Variants in SORT1 observed in about 807,000 individuals in gnomAD.
SORT1 encodes the protein sortilin 1.
Under a neutral mutation model 101.7 loss-of-function variants are expected in SORT1, and 39 were observed. The ratio of observed to expected loss-of-function variants is 0.38; its 90% confidence interval spans 0.30 to 0.50. The LOEUF is 0.50. Among genes scored for constraint, SORT1 ranks in the 20% least tolerant of loss-of-function variants. The pLI, the probability that SORT1 is intolerant of heterozygous loss-of-function variation, is 0.90. For missense variants in SORT1, 878 were observed against 1,040.4 expected (o/e 0.84, Z 2.15); for synonymous variants, 396 against 393.7 (o/e 1.01, Z -0.07).
At chr1:109,321,764 T>C (rs1647644769) in intron 15 of SORT1, among the ~76,000 whole-genome samples, 1 of 152,352 alleles carries the variant, frequency 6.6e-6, no homozygotes, top group East Asian at 1.9e-4. Context: ...CAGTATCTTT[T>C]GCAGGTAACA....
chr1:109,333,052 C>G (rs1648566022), intron 11 of SORT1, among the ~76,000 whole-genome samples: 1 of 152,152 alleles, frequency 6.6e-6, no homozygotes. Flanking sequence ...CTCAGTCTCC[C>G]AAGTAGCTGG....
chr1:109,383,819 T>A (rs1476051456), intron 1 of SORT1, among the ~76,000 whole-genome samples: 1 of 152,154 alleles, frequency 6.6e-6, no homozygotes, highest in Non-Finnish European at 1.5e-5. Flanking sequence ...AATGAAAAAA[T>A]TAACTACAAA....
chr1:109,384,243 T>C (rs1472742323), intron 1 of SORT1, among the ~76,000 whole-genome samples: 3 of 152,200 alleles, frequency 2.0e-5, no homozygotes, highest in Non-Finnish European at 4.4e-5. Flanking sequence ...GATGTCACTA[T>C]CATGCATTAA....
chr1:109,324,766 C>T (rs1647876158), intron 14 of SORT1, 133 bp downstream of exon 14: 1 of 618,172 alleles, frequency 1.6e-6, no homozygotes, highest in South Asian at 2.4e-5. Context: ...ATCACCCACA[C>T]AGAACATCTG....
chr1:109,371,569 A>AG (rs779008616), intron 1 of SORT1, among the ~76,000 whole-genome samples: 6 of 152,220 alleles, frequency 3.9e-5, no homozygotes, highest in Non-Finnish European at 8.8e-5. Context: ...TCTTGAGCCA[A>AG]TCAGGACTGC....
rs765733958 is a variant in SORT1 at position 109,314,366 on chromosome 1, G to A, written c.2376C>T (p.Tyr792=). The change falls in exon 19 of 20, where the codon TAC becomes TAT. Residue 792 remains tyrosine (Y), a synonymous_variant. Transcript: ENST00000256637. The part of the protein sequence containing the change: ...VCGGRFLVHR[Y]SVLQQHAEAN... Reference sequence around the variant, plus strand: ...CCTCTGCATGCTGCTGCAGCACAGAGTATCGATGCACCAGGAACCTGTGAA... The same window carrying A: ...CCTCTGCATGCTGCTGCAGCACAGAATATCGATGCACCAGGAACCTGTGAA... 3.2e-5 allele frequency: 51 copies of A among 1,613,864 alleles called. No individual in the cohort carries two copies. The highest frequency in any genetic ancestry group is 4.0e-5 in the Non-Finnish European group (47 of 1,180,002).
chr1:109,329,305 G>A (rs1473597526), intron 11 of SORT1, among the ~76,000 whole-genome samples: 2 of 152,138 alleles, frequency 1.3e-5, no homozygotes, highest in Non-Finnish European at 2.9e-5. Flanking sequence ...CCAGGCTGGA[G>A]TGCGGTGGTG....
intron 1 of SORT1, among the ~76,000 whole-genome samples, chr1:109,376,911 C>T (rs1466053962): frequency 1.3e-5 from 2 of 152,150 alleles, no homozygotes; most frequent in Non-Finnish European, 2.9e-5. Flanking sequence ...AGGAAAAGTT[C>T]TGTGTTTCTG....
intron 3 of SORT1, among the ~76,000 whole-genome samples, chr1:109,365,532 T>C (rs940660584): frequency 7.2e-5 from 11 of 152,348 alleles, no homozygotes; most frequent in African/African-American, 2.6e-4. Context: ...ACTGTTCTGA[T>C]TGAATAAACA....
rs1226170717 is a variant in SORT1 at position 109,367,418 on chromosome 1, G to A, written c.430C>T (p.Leu144=). 1 of 1,592,004 alleles carries A rather than the reference G, an allele frequency of 6.3e-7. No individual in the cohort carries two copies. The highest frequency in any genetic ancestry group is 8.6e-7 in the Non-Finnish European group (1 of 1,160,202). Residue 144 remains leucine, a synonymous_variant, in exon 3 of 20, where the codon CTA becomes TTA. Coordinates refer to ENST00000256637, the MANE Select transcript of SORT1 (RefSeq NM_002959.7). ...TGTTATTGATCTCACCTTCGATATA[G>A]CTTGGACTGTCCAAAAGTCATAATT... is the stretch of plus-strand genomic sequence containing the variant. ...LVIMTFGQSK[L]YRSEDYGKNF...
At position 109,397,764 on chromosome 1, in the gene SORT1, G is replaced by A; in HGVS notation, c.129C>T (p.Pro43=). ...CAGACCAGCGCGGCAGCGGCGCAGC[G>A]GGCGGCGGCGGCGCGTCCAGCCGGT... ...SQDRLDAPPP[P]AAPLPRWSGP... The change falls in exon 1 of 20, where the codon CCC becomes CCT. Residue 43 remains proline (P), a synonymous_variant. Transcript: ENST00000256637. 4 of 1,207,022 alleles carry A rather than the reference G, an allele frequency of 3.3e-6. No homozygotes were observed. The highest frequency in any genetic ancestry group is 2.6e-5 in the South Asian group (1 of 38,950). 74.8% of individuals were successfully genotyped at this position (1,207,022 alleles called of 1,614,324 possible).
chr1:109,385,183 G>A (rs1353460618), intron 1 of SORT1, among the ~76,000 whole-genome samples: 1 of 152,138 alleles, frequency 6.6e-6, no homozygotes, highest in Non-Finnish European at 1.5e-5. Flanking sequence ...ATGAGTTGGT[G>A]CCCTCATGAT....
intron 1 of SORT1, among the ~76,000 whole-genome samples, chr1:109,378,553 A>G (rs2101641674): frequency 6.6e-6 from 1 of 151,618 alleles, no homozygotes; most frequent in Admixed American, 6.6e-5. Context: ...AATAACTGAA[A>G]GGCGGAATAA....
At chr1:109,382,860 G>A (rs1179666819) in intron 1 of SORT1, among the ~76,000 whole-genome samples, 1 of 152,110 alleles carries the variant, frequency 6.6e-6, no homozygotes, top group East Asian at 1.9e-4. Context: ...ACTCATCCAA[G>A]CATTTATTGC....
At chr1:109,378,548 C>T (rs1205098858) in intron 1 of SORT1, among the ~76,000 whole-genome samples, 1 of 150,968 alleles carries the variant, frequency 6.6e-6, no homozygotes, top group Non-Finnish European at 1.5e-5. Context: ...CCAGAAATAA[C>T]TGAAAGGCGG....
intron 10 of SORT1, among the ~76,000 whole-genome samples, chr1:109,338,824 C>T (rs191588207): frequency 5.1e-4 from 78 of 152,134 alleles, no homozygotes; most frequent in Admixed American, 3.3e-3. Flanking sequence ...CCTCCTCCCC[C>T]GGCATCACCC....
rs193134594 is a variant in SORT1, at chr1:109,358,754, T to G, written c.441-3285A>C. ...CTGAAATCCCTGCTACTCAGGAGGC[T>G]GAGGCAGAGAATTGCTTGACCCCGG... On this transcript the variant is annotated intron_variant, in intron 3 of 19. Transcript: ENST00000256637. Among the ~76,000 whole-genome samples, 183 of 151,584 alleles carry G rather than the reference T, an allele frequency of 1.2e-3. 1 individual carries two copies. The highest frequency in any genetic ancestry group is 4.1e-3 in the African/African-American group (171 of 41,252).
rs932190618 is a variant in SORT1 at position 109,334,822 on chromosome 1, T to G, written c.1371+1418A>C. ...TTTGTCAATTATGCCTCCATAAAGC[T>G]GGGGAAAAAAGAAATGTATTGTCAG... On this transcript the variant is annotated intron_variant, in intron 11 of 19. Transcript: ENST00000256637. Among the ~76,000 whole-genome samples the G allele has an allele frequency of 3.3e-5, 5 of 152,016 alleles. No individual in the cohort carries two copies. The East Asian group carries it at 9.6e-4, about 29-fold the overall frequency.
chr1:109,390,050 C>T (rs1192531024), intron 1 of SORT1, among the ~76,000 whole-genome samples: 1 of 152,190 alleles, frequency 6.6e-6, no homozygotes, highest in Non-Finnish European at 1.5e-5. Flanking sequence ...TCATACTCCC[C>T]ATCAACTACC....
Sources: gnomAD v4.1 joint callset for allele counts (sites outside exome capture counted in the v4.1 genomes callset) on GRCh38, gnomAD v4.1.1 for gene constraint, MANE v1.5 for transcripts, NCBI Gene and HGNC (gene_info 2026-07-23, HGNC 2026-07-21) for gene names.